Variants in RUNX1 observed in about 807,000 individuals in gnomAD.
RUNX1 encodes RUNX family transcription factor 1.
Under a neutral mutation model 42.8 loss-of-function variants are expected in RUNX1, and 19 were observed. The observed-to-expected ratio is 0.44, with a 90% CI of 0.31 to 0.65. The LOEUF (loss-of-function observed/expected upper bound fraction) is 0.65, where lower values mean the gene tolerates loss of function less well. RUNX1 is among the 30% of genes least tolerant of loss of function. The pLI is 0.07. For synonymous variants in RUNX1, 271 were observed against 289.4 expected (o/e 0.94, Z 0.64); for missense variants, 528 against 672.0 (o/e 0.79, Z 2.37).
chr21:34,957,130 C>T (rs2058650266), intron 2 of RUNX1, among the ~76,000 whole-genome samples: 4 of 152,186 alleles, frequency 2.6e-5, no homozygotes, highest in Admixed American at 1.3e-4. Flanking sequence ...TGACGCATGG[C>T]CAGGCTGTCT....
chr21:34,889,919 C>T, intron 3 of RUNX1: 1 of 959,808 alleles, frequency 1.0e-6, no homozygotes, highest in Non-Finnish European at 1.3e-6. Flanking sequence ...ACCCAGTCCC[C>T]GGATCCCGGC....
At chr21:34,989,553 A>T (rs2058920526) in intron 2 of RUNX1, among the ~76,000 whole-genome samples, 1 of 151,986 alleles carries the variant, frequency 6.6e-6, no homozygotes. Flanking sequence ...GCCTGGCATG[A>T]TGTGTCCCTG....
At chr21:34,947,562 T>C (rs1409697793) in intron 2 of RUNX1, among the ~76,000 whole-genome samples, 1 of 152,238 alleles carries the variant, frequency 6.6e-6, no homozygotes, top group Non-Finnish European at 1.5e-5. Context: ...GTCTTTTGTT[T>C]TTGTCCATTT....
chr21:34,889,905 T>C, intron 3 of RUNX1: 1 of 1,000,430 alleles, frequency 1.0e-6, no homozygotes, highest in Admixed American at 5.4e-5. Flanking sequence ...ACCCCGGGGC[T>C]GCAACCCAGT....
chr21:34,955,497 C>G (rs868388622), intron 2 of RUNX1, among the ~76,000 whole-genome samples: 3 of 152,158 alleles, frequency 2.0e-5, no homozygotes, highest in Non-Finnish European at 4.4e-5. Context: ...AGGATTATAA[C>G]TCTGAACTCA....
chr21:34,981,279 C>G (rs1235142076), intron 2 of RUNX1, among the ~76,000 whole-genome samples: 1 of 152,176 alleles, frequency 6.6e-6, no homozygotes, highest in Non-Finnish European at 1.5e-5. Flanking sequence ...AAACCTGGGA[C>G]ACACACTTAA....
At chr21:35,036,567 A>G (rs139815329) in intron 2 of RUNX1, among the ~76,000 whole-genome samples, 1 of 152,302 alleles carries the variant, frequency 6.6e-6, no homozygotes, top group Middle Eastern at 3.4e-3. Flanking sequence ...ATAAAGGTGA[A>G]GGGGGAAAAG....
intron 2 of RUNX1, among the ~76,000 whole-genome samples, chr21:34,946,961 C>T (rs1471209561): frequency 1.3e-5 from 2 of 152,188 alleles, no homozygotes; most frequent in East Asian, 3.9e-4. Context: ...AGCTACTTCT[C>T]CTCACCTTAG....
At chr21:34,902,673 A>T (rs543324316) in intron 2 of RUNX1, among the ~76,000 whole-genome samples, 1 of 152,328 alleles carries the variant, frequency 6.6e-6, no homozygotes, top group East Asian at 1.9e-4. Flanking sequence ...ATTTGAGTGC[A>T]GGAGTACTCA....
At chr21:34,847,395 C>T (rs80243350) in intron 6 of RUNX1, among the ~76,000 whole-genome samples, 54 of 152,072 alleles carry the variant, frequency 3.6e-4, no homozygotes, top group Non-Finnish European at 6.9e-4. Context: ...CTGAAAGACA[C>T]GACGAGATAA....
At chr21:35,032,243 C>G (rs1230349956) in intron 2 of RUNX1, among the ~76,000 whole-genome samples, 2 of 152,186 alleles carry the variant, frequency 1.3e-5, no homozygotes, top group African/African-American at 4.8e-5. Flanking sequence ...GAATAATGGG[C>G]TGGATAAGTG....
chr21:34,812,656 C>T (rs1328113816), intron 7 of RUNX1, among the ~76,000 whole-genome samples: 2 of 152,166 alleles, frequency 1.3e-5, no homozygotes, highest in African/African-American at 2.4e-5. Context: ...TCCACAGCTT[C>T]GTTTATTGAC....
chr21:34,866,077 T>C (rs2057657621), intron 5 of RUNX1, among the ~76,000 whole-genome samples: 1 of 152,116 alleles, frequency 6.6e-6, no homozygotes, highest in Admixed American at 6.5e-5. Context: ...CTCTCCTTAG[T>C]GTAGGTCTGT....
chr21:34,884,259 T>C (rs1350677533), intron 4 of RUNX1, among the ~76,000 whole-genome samples: 1 of 152,090 alleles, frequency 6.6e-6, no homozygotes, highest in South Asian at 2.1e-4. Context: ...AATAAGCAAG[T>C]AGGGTTATTG....
intron 7 of RUNX1, among the ~76,000 whole-genome samples, chr21:34,811,752 A>G (rs890291500): frequency 1.3e-5 from 2 of 152,146 alleles, no homozygotes; most frequent in Non-Finnish European, 2.9e-5. Flanking sequence ...CCACAACTGG[A>G]GACATGCCAT....
intron 6 of RUNX1, among the ~76,000 whole-genome samples, chr21:34,844,865 A>G (rs2057294425): frequency 6.6e-6 from 1 of 152,230 alleles, no homozygotes; most frequent in Non-Finnish European, 1.5e-5. Flanking sequence ...ATGGCTGAGC[A>G]GGTCCTGGCT....
intron 2 of RUNX1, among the ~76,000 whole-genome samples, chr21:34,967,092 G>A (rs908352227): frequency 5.3e-5 from 8 of 151,758 alleles, no homozygotes; most frequent in Admixed American, 1.3e-4. Flanking sequence ...CGGCCAAGGC[G>A]AGTGGATCAT....
At chr21:34,948,096 T>C (rs559209956) in intron 2 of RUNX1, among the ~76,000 whole-genome samples, 2 of 146,952 alleles carry the variant, frequency 1.4e-5, no homozygotes, top group South Asian at 4.1e-4. Flanking sequence ...TCTTTTTTTT[T>C]TTTTGGGGGG....
intron 2 of RUNX1, among the ~76,000 whole-genome samples, chr21:34,958,350 C>G (rs1444632863): frequency 6.6e-6 from 1 of 151,942 alleles, no homozygotes; most frequent in Non-Finnish European, 1.5e-5. Flanking sequence ...AACAAATTTA[C>G]AAGAAAAAAA....
Sources: allele counts gnomAD v4.1 joint callset (sites outside exome capture counted in the v4.1 genomes callset), GRCh38; gene constraint gnomAD v4.1.1; transcripts MANE v1.5; gene names NCBI Gene and HGNC (gene_info 2026-07-23, HGNC 2026-07-21).